The following LAPTM4B variants were observed in gnomAD, a reference collection of about 807,000 sequenced individuals.
LAPTM4B encodes the protein lysosomal protein transmembrane 4 beta.
A neutral mutation model predicts 28.5 loss-of-function variants in LAPTM4B; 26 were observed. That is an observed-to-expected ratio of 0.91 (90% CI 0.67 to 1.27). The LOEUF (loss-of-function observed/expected upper bound fraction) is 1.27, where lower values mean the gene tolerates loss of function less well. LAPTM4B is among the 50% of genes most tolerant of loss of function. LAPTM4B has a pLI of 0.00. For missense variants in LAPTM4B, 288 were observed against 285.8 expected, an observed-to-expected ratio of 1.01 and a Z score of -0.06; for synonymous variants, 109 against 106.4, an observed-to-expected ratio of 1.02 and a Z score of -0.15.
chr8:97,803,811 C>T (rs1816723617), intron 1 of LAPTM4B, among the ~76,000 whole-genome samples: 2 of 152,012 alleles, frequency 1.3e-5, no homozygotes, highest in South Asian at 4.1e-4. Flanking sequence ...GTGCCTGGCT[C>T]ATTTTCTTGT....
intron 1 of LAPTM4B, among the ~76,000 whole-genome samples, chr8:97,786,701 G>GAAA (rs147660476): frequency 1.1e-5 from 1 of 89,268 alleles, no homozygotes. Context: ...TCCCGTCTCA[G>GAAA]AAAAAAAAAA....
intron 1 of LAPTM4B, among the ~76,000 whole-genome samples, chr8:97,786,496 G>C (rs991973965): frequency 1.3e-5 from 2 of 151,500 alleles, no homozygotes; most frequent in Non-Finnish European, 2.9e-5. Flanking sequence ...GAGGTTCCGA[G>C]TTCGAGACCA....
chr8:97,837,285 C>T (rs1233469059), intron 6 of LAPTM4B, among the ~76,000 whole-genome samples: 1 of 151,286 alleles, frequency 6.6e-6, no homozygotes, highest in African/African-American at 2.4e-5. Context: ...CTCTGCTTCC[C>T]AGGTTCACGT....
At chr8:97,796,421 C>G (rs981279335) in intron 1 of LAPTM4B, among the ~76,000 whole-genome samples, 4 of 152,202 alleles carry the variant, frequency 2.6e-5, no homozygotes, top group Non-Finnish European at 4.4e-5. Context: ...AATATTATTT[C>G]ACTCTGATGT....
Position 97,837,270 on chromosome 8 carries a change from G to T in LAPTM4B, c.603+12117G>T, listed in dbSNP as rs151049825. Among the ~76,000 whole-genome samples the T allele has an allele frequency of 1.7e-3, 253 of 147,716 alleles. 1 individual carries two copies. The highest frequency in any genetic ancestry group is 5.5e-3 in the African/African-American group (220 of 39,846). ...TGCGTGGGTGTGATCTTGGCTCACT[G>T]CAGCCTCTGCTTCCCAGGTTCACGT... On this transcript the variant is annotated intron_variant, in intron 6 of 6. Transcript: ENST00000521545.
chr8:97,780,495 T>G (rs1816291432), intron 1 of LAPTM4B, among the ~76,000 whole-genome samples: 1 of 152,200 alleles, frequency 6.6e-6, no homozygotes, highest in Non-Finnish European at 1.5e-5. Context: ...ATTTCCTGTT[T>G]TGCAAGATAG....
At chr8:97,777,818 A>G (rs574298932) in intron 1 of LAPTM4B, among the ~76,000 whole-genome samples, 6 of 152,344 alleles carry the variant, frequency 3.9e-5, no homozygotes, top group African/African-American at 1.2e-4. Context: ...ATTATAGCAA[A>G]AGGATAGTAG....
At chr8:97,819,337 G>T (rs1157773759) in intron 5 of LAPTM4B, 99 bp downstream of exon 5, 2 of 692,184 alleles carry the variant, frequency 2.9e-6, no homozygotes. Context: ...TCTTTCTTTG[G>T]ACATCCAAAT....
At chr8:97,820,797 C>T (rs745655763) in intron 5 of LAPTM4B, among the ~76,000 whole-genome samples, 1 of 151,858 alleles carries the variant, frequency 6.6e-6, no homozygotes, top group African/African-American at 2.4e-5. Flanking sequence ...GGTGCGATCT[C>T]GGCTCACTGC....
chr8:97,834,158 A>AAAAAAAAAAAAAAAAAAAAAAAAAAAAC (rs1817226479), intron 6 of LAPTM4B, among the ~76,000 whole-genome samples: 1 of 150,000 alleles, frequency 6.7e-6, no homozygotes, highest in South Asian at 2.1e-4. Flanking sequence ...AAAAAAAAAA[A>AAAAAAAAAAAAAAAAAAAAAAAAAAAAC]TCCAGGTGGC....
intron 6 of LAPTM4B, among the ~76,000 whole-genome samples, chr8:97,835,265 T>C (rs1817243201): frequency 6.6e-6 from 1 of 152,242 alleles, no homozygotes; most frequent in South Asian, 2.1e-4. Flanking sequence ...CTGGGGGCTC[T>C]TGCTGGTAGA....
intron 2 of LAPTM4B, among the ~76,000 whole-genome samples, chr8:97,807,798 G>C (rs1816776467): frequency 6.6e-6 from 1 of 150,536 alleles, no homozygotes; most frequent in Admixed American, 6.6e-5. Context: ...AGAGAACCAA[G>C]AGATGCTTTC....
intron 1 of LAPTM4B, among the ~76,000 whole-genome samples, chr8:97,791,464 C>G (rs894250970): frequency 6.6e-6 from 1 of 152,112 alleles, no homozygotes; most frequent in African/African-American, 2.4e-5. Context: ...TCTTTGAGTA[C>G]GTAATGGTGT....
At chr8:97,811,001 A>G (rs1036724486) in intron 2 of LAPTM4B, among the ~76,000 whole-genome samples, 4 of 152,254 alleles carry the variant, frequency 2.6e-5, no homozygotes, top group Non-Finnish European at 5.9e-5. Context: ...GAAGATATCC[A>G]TAAGAGAATA....
At chr8:97,824,293 A>G (rs1817058166) in intron 5 of LAPTM4B, among the ~76,000 whole-genome samples, 1 of 152,142 alleles carries the variant, frequency 6.6e-6, no homozygotes, top group Non-Finnish European at 1.5e-5. Context: ...ACCATTTTAC[A>G]TTCTCATAAG....
chr8:97,834,396 G>T (rs1234901125), intron 6 of LAPTM4B, among the ~76,000 whole-genome samples: 1 of 152,092 alleles, frequency 6.6e-6, no homozygotes, highest in East Asian at 1.9e-4. Flanking sequence ...TTGTTACTCC[G>T]TACCTGTTTT....
chr8:97,844,916 T>TG (rs1008897014), intron 6 of LAPTM4B, among the ~76,000 whole-genome samples: 4 of 152,206 alleles, frequency 2.6e-5, no homozygotes, highest in Non-Finnish European at 5.9e-5. Flanking sequence ...TTTAAAATGT[T>TG]GCTTTTAACA....
chr8:97,815,323 G>C lies in LAPTM4B; in HGVS notation c.212-5G>C, dbSNP rs79508802. 11,900 of 1,590,678 alleles carry C rather than the reference G, an allele frequency of 7.5e-3. 624 individuals are homozygous for C. The East Asian group carries it at 0.16, about 21-fold the overall frequency. On this transcript the variant is annotated splice_region_variant and splice_polypyrimidine_tract_variant and intron_variant, in intron 2 of 6. Transcript: ENST00000521545. Reference sequence around the variant, plus strand: ...TTAAAGAAATTCTTTTTAATCTTTCGGCAGACATGTGCATTGCCATTGCGA... The same window carrying C: ...TTAAAGAAATTCTTTTTAATCTTTCCGCAGACATGTGCATTGCCATTGCGA...
At chr8:97,785,828 G>C (rs1390261070) in intron 1 of LAPTM4B, among the ~76,000 whole-genome samples, 1 of 152,212 alleles carries the variant, frequency 6.6e-6, no homozygotes, top group Non-Finnish European at 1.5e-5. Flanking sequence ...GGGAGGGGGA[G>C]TAGAAAGTGA....
Sources: gnomAD v4.1 joint callset for allele counts (sites outside exome capture counted in the v4.1 genomes callset) on GRCh38, gnomAD v4.1.1 for gene constraint, MANE v1.5 for transcripts, NCBI Gene and HGNC (gene_info 2026-07-23, HGNC 2026-07-21) for gene names.